SIRPB2: variants seen among roughly 807,000 people sequenced by gnomAD.
SIRPB2 encodes signal regulatory protein beta 2, also known as signal-regulatory protein beta-2.
Under a neutral mutation model 27.1 loss-of-function variants are expected in SIRPB2, and 18 were observed. The ratio of observed to expected loss-of-function variants is 0.66; its 90% CI spans 0.46 to 0.98. The LOEUF (loss-of-function observed/expected upper bound fraction) is 0.98, where lower values mean the gene tolerates loss of function less well. SIRPB2 is among the 50% of genes least tolerant of loss of function. The pLI is 0.00. For missense variants in SIRPB2, 420 were observed against 417.4 expected, an observed-to-expected ratio of 1.01 and a Z score of -0.06; for synonymous variants, 150 against 164.6, an observed-to-expected ratio of 0.91 and a Z score of 0.68.
chr20:1,485,674 G>GA (rs1232098198), intron 1 of SIRPB2, among the ~76,000 whole-genome samples: 4 of 136,176 alleles, frequency 2.9e-5, no homozygotes, highest in Admixed American at 7.3e-5. Flanking sequence ...CACACACACA[G>GA]AAAAAATCAA....
chr20:1,478,135 T>C (rs1443394619), intron 3 of SIRPB2, 131 bp downstream of exon 3: 1 of 864,056 alleles, frequency 1.2e-6, no homozygotes. Flanking sequence ...GGAGAAAGCA[T>C]TCCAGGTAGA....
chr20:1,476,047 G>A lies in SIRPB2; in HGVS notation c.*120C>T, dbSNP rs1600000309. ...TAGGTGGACCAAAACCAGATGTAGG[G>A]ATCTAGGAGTTTGTCATGAGGCCTG... On this transcript the variant is annotated 3_prime_UTR_variant, in exon 5 of 5. Coordinates refer to ENST00000359801, the MANE Select transcript of SIRPB2 (RefSeq NM_001122962.2). 1.1e-5 allele frequency: 12 copies of A among 1,123,838 alleles called. No homozygotes were observed. In the East Asian group the frequency reaches 2.9e-4, roughly 27 times the overall value. The allele number at this position is 1,123,838 out of a possible 1,614,324, so 69.6% of individuals were successfully genotyped here. A position where few individuals can be genotyped will look rare whatever the true frequency, so the allele number is the denominator to read the frequency against.
At chr20:1,484,921 A>G (rs1226017460) in intron 1 of SIRPB2, among the ~76,000 whole-genome samples, 1 of 152,160 alleles carries the variant, frequency 6.6e-6, no homozygotes, top group Admixed American at 6.6e-5. Context: ...AAACAAATGA[A>G]ATTCTGTCAT....
chr20:1,488,216 A>G (rs2090745269), intron 1 of SIRPB2, among the ~76,000 whole-genome samples: 1 of 152,212 alleles, frequency 6.6e-6, no homozygotes, highest in Non-Finnish European at 1.5e-5. Flanking sequence ...TGTATCCATA[A>G]TATATAACGA....
Position 1,475,991 on chromosome 20 carries a change from G to T in SIRPB2, c.*176C>A. 1 of 657,438 alleles carries T rather than the reference G, an allele frequency of 1.5e-6. No individual in the cohort carries two copies. Among genetic ancestry groups the T allele is most frequent in the Admixed American group, 3.1e-5 (1 of 32,188 alleles). 40.7% of individuals were successfully genotyped at this position (657,438 alleles called of 1,614,324 possible). A position where few individuals can be genotyped will look rare whatever the true frequency, so the allele number is the denominator to read the frequency against. The stretch of plus-strand genomic sequence containing the variant: ...AAAAGAGAAAGGGAGACATTTTAGA[G>T]GGAAGCCCGGTGCAAAGAAGGGAAT... On this transcript the variant is annotated 3_prime_UTR_variant, in exon 5 of 5. Transcript: ENST00000359801.
In SIRPB2 at chr20:1,487,892, T is replaced by C. The variant is rs1179707867; in HGVS notation, c.85+3383A>G. ...GTGCAAGAACCATTGGAAATACATG[T>C]GCAAACAAATGAACTTTGGTTTATA... On this transcript the variant is annotated intron_variant, in intron 1 of 4. Transcript: ENST00000359801. 2.0e-5 allele frequency among the ~76,000 whole-genome samples: 3 copies of C among 152,194 alleles called. No individual in the cohort carries two copies. The East Asian group carries it at 5.8e-4, about 29-fold the overall frequency.
intron 1 of SIRPB2, among the ~76,000 whole-genome samples, chr20:1,481,852 G>GT (rs992206019): frequency 1.3e-5 from 2 of 152,136 alleles, no homozygotes; most frequent in African/African-American, 2.4e-5. Flanking sequence ...GATCCTTCCT[G>GT]TTTTTTTCCC....
chr20:1,477,054 A>G (rs2090612383), intron 4 of SIRPB2: 2 of 1,391,714 alleles, frequency 1.4e-6, no homozygotes, highest in Admixed American at 2.4e-5. Context: ...ATAGCCTCAC[A>G]GTGTGTCCCT....
Position 1,480,019 on chromosome 20 carries a change from G to C in SIRPB2, c.132C>G (p.Pro44=), listed in dbSNP as rs376849298. 6 of 1,613,788 alleles carry C rather than the reference G, an allele frequency of 3.7e-6. No individual in the cohort carries two copies. The Admixed American group carries it at 5.0e-5, about 13-fold the overall frequency. ...SSRNDWQVLQ[P]EGPMLVAEGE... Reference sequence around the variant, plus strand: ...CTTCTGCCACCAGCATGGGGCCCTCGGGCTGTAGCACCTGCCAGTCATTCC... The same window carrying C: ...CTTCTGCCACCAGCATGGGGCCCTCCGGCTGTAGCACCTGCCAGTCATTCC... Residue 44 remains proline, a synonymous_variant, in exon 2 of 5, where the codon CCC becomes CCG. Transcript: ENST00000359801.
downstream of SIRPB2, among the ~76,000 whole-genome samples, chr20:1,473,527 A>G (rs2090588898): frequency 1.3e-5 from 2 of 152,324 alleles, no homozygotes; most frequent in South Asian, 2.1e-4. Flanking sequence ...AGCAGTAAGT[A>G]CTATGAAGAA....
At chr20:1,479,565 G>A (rs1407350047) in intron 2 of SIRPB2, 135 bp downstream of exon 2, 2 of 1,329,556 alleles carry the variant, frequency 1.5e-6, no homozygotes, top group Admixed American at 2.1e-5. Flanking sequence ...ATGTAAATGT[G>A]CATGTAGAGA....
At position 1,475,351 on chromosome 20, in the gene SIRPB2, T is replaced by C. The variant is rs1406603729; in HGVS notation, c.*816A>G. ...GAAAACTTGCAGCTGGGCGCATTGC[T>C]GCCAGAAATAAAGACTACATCTCCC... On this transcript the variant is annotated 3_prime_UTR_variant, in exon 5 of 5. Coordinates refer to ENST00000359801, the MANE Select transcript of SIRPB2 (RefSeq NM_001122962.2). 6.6e-6 allele frequency: 1 copy of C among 152,258 alleles called. No homozygotes were observed. The highest frequency in any genetic ancestry group is 1.5e-5 in the Non-Finnish European group (1 of 68,048). The allele number at this position is 152,258 out of a possible 1,614,324, so 9.4% of individuals were successfully genotyped here.
chr20:1,480,108 T>C, intron 1 of SIRPB2, 43 bp from the exon 2 acceptor site: 2 of 1,544,708 alleles, frequency 1.3e-6, no homozygotes, highest in South Asian at 2.5e-5. Context: ...CAGGAAGGAC[T>C]TGGAGCCCTA....
intron 1 of SIRPB2, 129 bp downstream of exon 1, chr20:1,491,146 T>A: frequency 1.2e-6 from 1 of 811,516 alleles, no homozygotes; most frequent in East Asian, 3.4e-5. Context: ...GTCAGGCAAA[T>A]TTTCAGTGGA....
chr20:1,478,575 T>A lies in SIRPB2; in HGVS notation c.484A>T (p.Ile162Phe). 1 of 1,604,650 alleles carries A rather than the reference T, an allele frequency of 6.2e-7. No individual in the cohort carries two copies. The highest frequency in any genetic ancestry group is 8.5e-7 in the Non-Finnish European group (1 of 1,173,374). ...AGDPEPDLWIIQPQELVLGTT... is the reference protein window; with the variant it reads ...AGDPEPDLWIFQPQELVLGTT... ...CCCAACACCAATTCCTGGGGCTGGA[T>A]GATCCACAGGTCTGGTTCAGGGTCC... Residue 162 changes from isoleucine (I) to phenylalanine (F), a missense_variant, in exon 3 of 5, where the codon ATC (isoleucine) becomes TTC (phenylalanine). Coordinates refer to ENST00000359801, the MANE Select transcript of SIRPB2 (RefSeq NM_001122962.2).
In SIRPB2 at chr20:1,478,646, C is replaced by T. The variant is rs1191137329; in HGVS notation, c.452-39G>A. On this transcript the variant is annotated intron_variant, in intron 2 of 4. Coordinates refer to ENST00000359801, the MANE Select transcript of SIRPB2 (RefSeq NM_001122962.2). Reference sequence around the variant, plus strand: ...GGAGGTCCTTGTTGAATTCCCTCTCCTCTTCCATCGTTCACTCATTTCCTA... The same window carrying T: ...GGAGGTCCTTGTTGAATTCCCTCTCTTCTTCCATCGTTCACTCATTTCCTA... 4 of 1,479,900 alleles carry T rather than the reference C, an allele frequency of 2.7e-6. No individual in the cohort carries two copies. In the East Asian group the frequency reaches 7.0e-5, roughly 26 times the overall value. 91.7% of individuals were successfully genotyped at this position (1,479,900 alleles called of 1,614,324 possible).
At chr20:1,480,868 T>C (rs1003862188) in intron 1 of SIRPB2, among the ~76,000 whole-genome samples, 2 of 152,248 alleles carry the variant, frequency 1.3e-5, no homozygotes, top group Admixed American at 6.5e-5. Flanking sequence ...GAGCTCTGGC[T>C]ATTAATCTTC....
intron 3 of SIRPB2, 128 bp downstream of exon 3, chr20:1,478,138 C>T (rs2090625481): frequency 1.1e-6 from 1 of 878,094 alleles, no homozygotes; most frequent in Non-Finnish European, 1.8e-6. Flanking sequence ...GAAAGCATTC[C>T]AGGTAGAGGG....
In SIRPB2 at chr20:1,479,694, C is replaced by A. The variant is rs1393537368; in HGVS notation, c.451+6G>T. ...AAATGTGTGGTCTGCAGGGCCTGATCCTTACCCTTCACAAGCACTGAGGTG... is the reference window on the plus strand; with the variant it reads ...AAATGTGTGGTCTGCAGGGCCTGATACTTACCCTTCACAAGCACTGAGGTG... On this transcript the variant is annotated splice_donor_region_variant and intron_variant, in intron 2 of 4. Coordinates refer to ENST00000359801, the MANE Select transcript of SIRPB2 (RefSeq NM_001122962.2). The A allele has an allele frequency of 5.0e-6, 8 of 1,613,256 alleles. No homozygotes were observed. Among genetic ancestry groups the A allele is most frequent in the Non-Finnish European group, 5.9e-6 (7 of 1,179,476 alleles).
Sources: gnomAD v4.1 joint callset for allele counts (sites outside exome capture counted in the v4.1 genomes callset) on GRCh38, gnomAD v4.1.1 for gene constraint, MANE v1.5 for transcripts, NCBI Gene and HGNC (gene_info 2026-07-23, HGNC 2026-07-21) for gene names.